The following KPNA1 variants were observed in gnomAD, a reference collection of about 807,000 sequenced individuals.
KPNA1 encodes the protein importin subunit alpha-5.
Under a neutral mutation model 70.5 loss-of-function variants are expected in KPNA1, and 10 were observed. That is an observed-to-expected ratio of 0.14 (90% CI 0.09 to 0.24). The LOEUF (loss-of-function observed/expected upper bound fraction) is 0.24. KPNA1 is among the 10% of genes least tolerant of loss of function. The pLI is 1.00. For missense variants in KPNA1, 397 were observed against 637.9 expected, an observed-to-expected ratio of 0.62 and a Z score of 4.07; for synonymous variants, 192 against 221.9, an observed-to-expected ratio of 0.87 and a Z score of 1.20.
At chr3:122,499,818 T>G (rs2076805808) in intron 1 of KPNA1, among the ~76,000 whole-genome samples, 1 of 152,186 alleles carries the variant, frequency 6.6e-6, no homozygotes, top group African/African-American at 2.4e-5. Context: ...TTGTCTGGCT[T>G]TGGTATCAGA....
At chr3:122,455,962 G>GA (rs1438524454) in intron 5 of KPNA1, among the ~76,000 whole-genome samples, 2 of 151,870 alleles carry the variant, frequency 1.3e-5, no homozygotes, top group East Asian at 1.9e-4. Context: ...GAAACTATCT[G>GA]AAAAAAAATC....
chr3:122,464,037 C>G lies in KPNA1; in HGVS notation c.242G>C (p.Gly81Ala). 6.4e-7 allele frequency: 1 copy of G among 1,557,380 alleles called. No individual in the cohort carries two copies. Among genetic ancestry groups the G allele is most frequent in the Non-Finnish European group, 8.8e-7 (1 of 1,141,632 alleles). Residue 81 changes from glycine to alanine, a missense_variant, in exon 4 of 14, where the codon GGT (glycine) becomes GCT (alanine). By Grantham distance (60) the Gly-to-Ala change is moderately conservative (BLOSUM62 0). Coordinates refer to ENST00000344337, the MANE Select transcript of KPNA1 (RefSeq NM_002264.4). ...TTCAATCATGTCAGAAGTGATGACA[C>G]CACCCTGCGATCACAAACAAAAAGA... Reference protein sequence around the residue: ...QISNMEMAPGGVITSDMIEMI... With the variant: ...QISNMEMAPGAVITSDMIEMI...
intron 5 of KPNA1, among the ~76,000 whole-genome samples, chr3:122,456,815 T>C (rs866251939): frequency 3.9e-5 from 6 of 152,222 alleles, no homozygotes; most frequent in African/African-American, 7.2e-5. Context: ...AGTTTTGCTA[T>C]TATTGGGGAT....
intron 12 of KPNA1, among the ~76,000 whole-genome samples, chr3:122,429,092 C>G (rs1033971437): frequency 6.6e-6 from 1 of 152,134 alleles, no homozygotes; most frequent in African/African-American, 2.4e-5. Flanking sequence ...ATGTAATCAA[C>G]TTACGATCAT....
At chr3:122,434,230 C>T (rs2075954561) in intron 11 of KPNA1, among the ~76,000 whole-genome samples, 1 of 152,248 alleles carries the variant, frequency 6.6e-6, no homozygotes, top group Non-Finnish European at 1.5e-5. Flanking sequence ...AGCCACCGCA[C>T]CCAGCCTATC....
intron 1 of KPNA1, among the ~76,000 whole-genome samples, chr3:122,498,332 C>G (rs2076786821): frequency 6.6e-6 from 1 of 152,222 alleles, no homozygotes; most frequent in Admixed American, 6.5e-5. Context: ...AGTTTGCTTG[C>G]TCCTTCAGCC....
At chr3:122,432,425 T>A (rs907510441) in intron 12 of KPNA1, 1 of 152,226 alleles carries the variant, frequency 6.6e-6, no homozygotes, top group African/African-American at 2.4e-5. Flanking sequence ...CCTGATAAAT[T>A]TCTGTACTTT....
At chr3:122,455,801 C>T (rs1386544272) in intron 5 of KPNA1, among the ~76,000 whole-genome samples, 1 of 152,168 alleles carries the variant, frequency 6.6e-6, no homozygotes, top group East Asian at 1.9e-4. Flanking sequence ...AGTCATCCTC[C>T]CATCTAGGCC....
intron 12 of KPNA1, among the ~76,000 whole-genome samples, chr3:122,428,076 C>A (rs557238675): frequency 6.6e-6 from 1 of 152,296 alleles, no homozygotes; most frequent in South Asian, 2.1e-4. Flanking sequence ...TCAAACATGA[C>A]ACTCTTGGTG....
At chr3:122,447,209 CACA>C (rs1458010610) in intron 9 of KPNA1, among the ~76,000 whole-genome samples, 2 of 152,100 alleles carry the variant, frequency 1.3e-5, no homozygotes, top group Admixed American at 1.3e-4. Flanking sequence ...CTGGCAAAGA[CACA>C]ACAACAAAAA....
intron 2 of KPNA1, among the ~76,000 whole-genome samples, chr3:122,469,439 C>T (rs541219328): frequency 1.3e-5 from 2 of 152,326 alleles, no homozygotes; most frequent in South Asian, 4.1e-4. Flanking sequence ...GAAGTTTCAT[C>T]ACTTATGTCT....
intron 3 of KPNA1, among the ~76,000 whole-genome samples, chr3:122,467,023 AT>A (rs2076388340): frequency 2.0e-5 from 3 of 150,284 alleles, no homozygotes; most frequent in African/African-American, 7.3e-5. Context: ...AAATAAATAA[AT>A]AAATAAATAA....
chr3:122,474,367 A>T (rs554635908), intron 2 of KPNA1, among the ~76,000 whole-genome samples: 1 of 152,166 alleles, frequency 6.6e-6, no homozygotes, highest in African/African-American at 2.4e-5. Flanking sequence ...AAGGAAAAAG[A>T]TCCAAAATAG....
intron 12 of KPNA1, among the ~76,000 whole-genome samples, chr3:122,430,224 T>C (rs563195357): frequency 6.6e-6 from 1 of 152,264 alleles, no homozygotes; most frequent in African/African-American, 2.4e-5. Flanking sequence ...ACTGCCATCA[T>C]TCACGGATTC....
At chr3:122,446,727 T>A (rs1394016633) in intron 9 of KPNA1, among the ~76,000 whole-genome samples, 5 of 151,970 alleles carry the variant, frequency 3.3e-5, no homozygotes, top group Non-Finnish European at 5.9e-5. Flanking sequence ...AATAAATGAA[T>A]CCAGGAGCTG....
intron 5 of KPNA1, among the ~76,000 whole-genome samples, chr3:122,458,351 AT>A (rs1298583249): frequency 2.2e-4 from 33 of 152,158 alleles, no homozygotes; most frequent in Admixed American, 2.0e-3. Context: ...GCTAAAAGCC[AT>A]TGTCTGCTTC....
rs57991855 is a variant in KPNA1 at position 122,429,446 on chromosome 3, CA to C, written c.1251-1731del. 6.5e-3 allele frequency among the ~76,000 whole-genome samples: 384 copies of C among 58,748 alleles called. 2 individuals are homozygous for C. The highest frequency in any genetic ancestry group is 0.022 in the African/African-American group (338 of 15,070). 38.5% of individuals were successfully genotyped at this position (58,748 alleles called of 152,430 possible). A position where few individuals can be genotyped will look rare whatever the true frequency, so the allele number is the denominator to read the frequency against. On this transcript the variant is annotated intron_variant, in intron 12 of 13. Coordinates refer to ENST00000344337, the MANE Select transcript of KPNA1 (RefSeq NM_002264.4). ...TGGGCGAAAGAGCGAAACTCTGTCTCAAAAAAAAAAAAAAAAAAAAAAAGAA... is the reference window on the plus strand; with the variant it reads ...TGGGCGAAAGAGCGAAACTCTGTCTCAAAAAAAAAAAAAAAAAAAAAAGAA...
At position 122,422,488 on chromosome 3, in the gene KPNA1, C is replaced by T. The variant is rs1201720308; in HGVS notation, c.*4497G>A. On this transcript the variant is annotated 3_prime_UTR_variant, in exon 14 of 14. Transcript: ENST00000344337. The stretch of plus-strand genomic sequence containing the variant: ...AAAAGCAACTTAAGCCTGATTTCGT[C>T]ATTTTAAGGGTGCTGATGGTAAGCA... The T allele has an allele frequency of 2.6e-5, 4 of 152,156 alleles. No homozygotes were observed. Among genetic ancestry groups the T allele is most frequent in the African/African-American group, 9.7e-5 (4 of 41,414 alleles). The allele number at this position is 152,156 out of a possible 1,614,324, so 9.4% of individuals were successfully genotyped here. A position where few individuals can be genotyped will look rare whatever the true frequency, so the allele number is the denominator to read the frequency against.
intron 4 of KPNA1, among the ~76,000 whole-genome samples, chr3:122,463,005 G>A (rs1312390247): frequency 6.6e-6 from 1 of 152,000 alleles, no homozygotes; most frequent in African/African-American, 2.4e-5. Flanking sequence ...GACGGATCAT[G>A]ATAGGATATC....
Sources: allele counts gnomAD v4.1 joint callset (sites outside exome capture counted in the v4.1 genomes callset), GRCh38; gene constraint gnomAD v4.1.1; transcripts MANE v1.5; gene names NCBI Gene and HGNC (gene_info 2026-07-23, HGNC 2026-07-21).